SMG5: variants seen among roughly 807,000 people sequenced by gnomAD.
SMG5 encodes nonsense-mediated mRNA decay factor SMG5.
Under a neutral mutation model 122.9 loss-of-function variants are expected in SMG5, and 53 were observed. The observed-to-expected ratio is 0.43, with a 90% CI of 0.35 to 0.54. SMG5 has a LOEUF of 0.54. Among genes scored for constraint, SMG5 ranks in the 20% least tolerant of loss-of-function variants. The probability of loss-of-function intolerance (pLI) is 0.01; values close to 1 mark genes in which losing one functional copy is unlikely to be tolerated. For missense variants in SMG5, 1,153 were observed against 1,285.6 expected, an observed-to-expected ratio of 0.90 and a Z score of 1.58; for synonymous variants, 477 against 490.2, an observed-to-expected ratio of 0.97 and a Z score of 0.35.
intron 13 of SMG5, 84 bp from the exon 14 acceptor site, chr1:156,261,492 G>A (rs1661836958): frequency 8.7e-7 from 1 of 1,145,456 alleles, no homozygotes; most frequent in Non-Finnish European, 1.3e-6. Flanking sequence ...CCACCCTGAG[G>A]GATCTGGCCT....
In SMG5 at chr1:156,266,259, G is replaced by A; in HGVS notation, c.1377C>T (p.Leu459=). The A allele has an allele frequency of 6.2e-7, 1 of 1,614,238 alleles. No homozygotes were observed. Among genetic ancestry groups the A allele is most frequent in the Non-Finnish European group, 8.5e-7 (1 of 1,180,048 alleles). The change falls in exon 12 of 22, where the codon CTC becomes CTT. Residue 459 remains leucine (L), a synonymous_variant. Transcript: ENST00000361813. ...KSRKFSRLSC[L]RRRRHPPKVG... Reference sequence around the variant, plus strand: ...CTTTGGGTGGGTGGCGGCGACGGCGGAGACAGGAGAGGCGAGAGAACTTAC... The same window carrying A: ...CTTTGGGTGGGTGGCGGCGACGGCGAAGACAGGAGAGGCGAGAGAACTTAC...
intron 7 of SMG5, among the ~76,000 whole-genome samples, chr1:156,269,561 C>G (rs1057134781): frequency 6.6e-6 from 1 of 151,816 alleles, no homozygotes; most frequent in Admixed American, 6.6e-5. Context: ...ATGGTGAAAC[C>G]CTGTCTCTAC....
upstream of SMG5, chr1:156,286,082 G>A: frequency 6.7e-7 from 1 of 1,497,014 alleles, no homozygotes; most frequent in East Asian, 2.3e-5. Flanking sequence ...CACTTGACCT[G>A]GGCCCCTCAG....
At chr1:156,286,167 G>T, upstream of SMG5, 1 of 1,405,960 alleles carries the variant, frequency 7.1e-7, no homozygotes. Context: ...TAGAGCCCAT[G>T]CACTGCCCAC....
chr1:156,260,550 G>A lies in SMG5; in HGVS notation c.2184C>T (p.Leu728=). The change falls in exon 15 of 22, where the codon CTC becomes CTT. Residue 728 remains leucine (L), a synonymous_variant. Transcript: ENST00000361813. The part of the protein sequence containing the change: ...ELPDLPSSLL[L]PEDMALRNLP... ...GGTTACGAAGAGCCATGTCCTCTGG[G>A]AGCAGAAGGCTAGAGGGGAGGTCAG... 2 of 1,564,672 alleles carry A rather than the reference G, an allele frequency of 1.3e-6. No homozygotes were observed. Among genetic ancestry groups the A allele is most frequent in the Non-Finnish European group, 1.7e-6 (2 of 1,161,888 alleles).
chr1:156,265,902 C>T lies in SMG5; in HGVS notation c.1734G>A (p.Lys578=). 3 of 1,614,158 alleles carry T rather than the reference C, an allele frequency of 1.9e-6. No homozygotes were observed. Among genetic ancestry groups the T allele is most frequent in the Non-Finnish European group, 2.5e-6 (3 of 1,180,028 alleles). Residue 578 remains lysine (K), a synonymous_variant, in exon 12 of 22, where the codon AAG becomes AAA. Coordinates refer to ENST00000361813, the MANE Select transcript of SMG5 (RefSeq NM_015327.3). ...AGGTGGGGGCCAGTCGGAAGCAGCG[C>T]TTAGTCTGGAACATCTGGGTGGACA... ...QAMSTQMFQT[K]RCFRLAPTFS...
At chr1:156,256,807 G>A (rs1293528608) in intron 16 of SMG5, among the ~76,000 whole-genome samples, 4 of 152,070 alleles carry the variant, frequency 2.6e-5, no homozygotes, top group Non-Finnish European at 5.9e-5. Context: ...TAAAGCAGCA[G>A]AAAAGAGCCA....
chr1:156,285,341 G>A (rs1663118813), upstream of SMG5: 7 of 1,572,542 alleles, frequency 4.5e-6, no homozygotes, highest in Non-Finnish European at 6.0e-6. Flanking sequence ...GGAAGGTGGG[G>A]CCGAATCCCC....
At chr1:156,291,435 G>C in the SMG5 span, 5 of 1,613,872 alleles carry the variant, frequency 3.1e-6, no homozygotes, top group East Asian at 1.1e-4. Context: ...CGAGGCTTCG[G>C]CTACGGCCTG....
chr1:156,268,379 C>T lies in SMG5; in HGVS notation c.750G>A (p.Gly250=). Reference sequence around the variant, plus strand: ...CCTTGTCATACAGCCGCTTGAGGTTCCCATAGGCTCCCTCAAAGGACACTT... The same window carrying T: ...CCTTGTCATACAGCCGCTTGAGGTTTCCATAGGCTCCCTCAAAGGACACTT... ...QSEVSFEGAY[G]NLKRLYDKAA... is the part of the protein sequence containing the mutation. Residue 250 remains glycine, a synonymous_variant, in exon 8 of 22, where the codon GGG becomes GGA. Transcript: ENST00000361813. 1 of 1,614,134 alleles carries T rather than the reference C, an allele frequency of 6.2e-7. No individual in the cohort carries two copies. The highest frequency in any genetic ancestry group is 8.5e-7 in the Non-Finnish European group (1 of 1,180,018).
chr1:156,264,648 T>A (rs7512751), intron 12 of SMG5, among the ~76,000 whole-genome samples: 1 of 151,782 alleles, frequency 6.6e-6, no homozygotes, highest in East Asian at 1.9e-4. Context: ...TAAAATCTAG[T>A]GGGGGCAAGT....
intron 7 of SMG5, among the ~76,000 whole-genome samples, chr1:156,271,566 G>GTTTTTTTTTT (rs755111375): frequency 2.4e-5 from 2 of 82,286 alleles, no homozygotes; most frequent in South Asian, 5.4e-4. Context: ...CCCTGAAGAG[G>GTTTTTTTTTT]TTTTTTTTTT....
At chr1:156,277,834 C>T (rs768197244) in intron 3 of SMG5, 91 bp downstream of exon 3, 668 of 1,547,850 alleles carry the variant, frequency 4.3e-4, no homozygotes, top group Non-Finnish European at 5.8e-4. Flanking sequence ...GTTTTCTTGG[C>T]TCCCCTACCT....
intron 16 of SMG5, among the ~76,000 whole-genome samples, chr1:156,258,317 C>T (rs6669805): frequency 0.23 from 35,485 of 152,266 alleles, 4,376 homozygotes; most frequent in Admixed American, 0.33. Context: ...AGGCACCTCA[C>T]ACCCACTATC....
chr1:156,260,198 G>T (rs1460803215), intron 15 of SMG5, among the ~76,000 whole-genome samples: 1 of 152,198 alleles, frequency 6.6e-6, no homozygotes, highest in Non-Finnish European at 1.5e-5. Context: ...ACAGAAGGCA[G>T]AGAAAGGAAG....
At position 156,250,829 on chromosome 1, in the gene SMG5, A is replaced by G. The variant is rs1176639508; in HGVS notation, c.2967+29T>C. 8.7e-6 allele frequency: 14 copies of G among 1,612,374 alleles called. 1 individual carries two copies. Among genetic ancestry groups the G allele is most frequent in the African/African-American group, 2.7e-5 (2 of 74,976 alleles). On this transcript the variant is annotated intron_variant, in intron 21 of 21. Coordinates refer to ENST00000361813, the MANE Select transcript of SMG5 (RefSeq NM_015327.3). The stretch of plus-strand genomic sequence containing the variant: ...CTCTGGTACCTCGTCCCTATTCCAC[A>G]CCATCCCCCCACCTCACCCATGACC...
Position 156,251,491 on chromosome 1 carries a change from G to A in SMG5, c.2754-14C>T. The A allele has an allele frequency of 6.2e-7, 1 of 1,613,718 alleles. No individual in the cohort carries two copies. The highest frequency in any genetic ancestry group is 8.5e-7 in the Non-Finnish European group (1 of 1,179,922). ...CAGCGAATGTACCTGCAGAGGAGAT[G>A]TGCGAGTGGAGGTCAGGAGCAGGAG... On this transcript the variant is annotated splice_polypyrimidine_tract_variant and intron_variant, in intron 19 of 21. Coordinates refer to ENST00000361813, the MANE Select transcript of SMG5 (RefSeq NM_015327.3).
chr1:156,259,304 G>T (rs1661714315), intron 15 of SMG5, 141 bp from the exon 16 acceptor site: 8 of 869,462 alleles, frequency 9.2e-6, no homozygotes, highest in Middle Eastern at 3.4e-4. Context: ...GGGAAGATTT[G>T]TGGTCTATGG....
upstream of SMG5, chr1:156,285,761 G>T (rs755569762): frequency 3.1e-6 from 5 of 1,613,360 alleles, no homozygotes; most frequent in South Asian, 5.5e-5. Flanking sequence ...TGAGGCAGTG[G>T]TGAGGCCGCC....
Sources: gnomAD v4.1 joint callset for allele counts (sites outside exome capture counted in the v4.1 genomes callset) on GRCh38, gnomAD v4.1.1 for gene constraint, MANE v1.5 for transcripts, NCBI Gene and HGNC (gene_info 2026-07-23, HGNC 2026-07-21) for gene names.